The following ILDR2 variants were observed in gnomAD, a reference collection of about 807,000 sequenced individuals.
ILDR2 encodes immunoglobulin like domain containing receptor 2.
ILDR2 carries 25 observed loss-of-function variants against 66.8 expected under a neutral mutation model. The observed-to-expected ratio is 0.37, with a 90% confidence interval of 0.27 to 0.52. The LOEUF (loss-of-function observed/expected upper bound fraction) is 0.52, where lower values mean the gene tolerates loss of function less well. ILDR2 is among the 20% of genes least tolerant of loss of function. The probability of loss-of-function intolerance (pLI) is 0.88; values close to 1 mark genes in which losing one functional copy is unlikely to be tolerated. For missense variants in ILDR2, 827 were observed against 876.8 expected (o/e 0.94, Z 0.72); for synonymous variants, 367 against 357.2 (o/e 1.03, Z -0.31).
intron 9 of ILDR2, among the ~76,000 whole-genome samples, chr1:166,920,166 T>A (rs967876005): frequency 1.3e-5 from 2 of 152,140 alleles, no homozygotes; most frequent in Non-Finnish European, 2.9e-5. Context: ...CAGTTTACAC[T>A]CAATAAAACA....
intron 3 of ILDR2, among the ~76,000 whole-genome samples, chr1:166,950,558 A>G (rs1016833681): frequency 1.3e-5 from 2 of 152,136 alleles, no homozygotes; most frequent in African/African-American, 4.8e-5. Context: ...CTTAAGACAC[A>G]TGCTCCCATT....
chr1:166,905,739 C>A (rs1659334667), downstream of ILDR2, among the ~76,000 whole-genome samples: 1 of 152,218 alleles, frequency 6.6e-6, no homozygotes, highest in South Asian at 2.1e-4. Flanking sequence ...GTCCCAGCCA[C>A]AGCATCATTT....
chr1:166,924,854 A>C (rs1469595098), intron 7 of ILDR2, among the ~76,000 whole-genome samples: 2 of 152,118 alleles, frequency 1.3e-5, no homozygotes, highest in African/African-American at 4.8e-5. Flanking sequence ...CATCTTTATA[A>C]AAAATTAAAA....
intron 6 of ILDR2, 145 bp downstream of exon 6, chr1:166,935,156 C>G: frequency 1.2e-6 from 1 of 812,558 alleles, no homozygotes; most frequent in South Asian, 1.7e-5. Context: ...TAAAAGATAT[C>G]TGACATAGCT....
chr1:166,897,138 A>G (rs1047053216), intron 2 of ILDR2, among the ~76,000 whole-genome samples: 3 of 152,198 alleles, frequency 2.0e-5, no homozygotes, highest in Admixed American at 2.0e-4. Context: ...GGGAAAATAC[A>G]ACTAGCAGTA....
intron 3 of ILDR2, among the ~76,000 whole-genome samples, chr1:166,943,485 C>G (rs1468384815): frequency 9.6e-6 from 1 of 104,560 alleles, no homozygotes; most frequent in African/African-American, 3.9e-5. Flanking sequence ...GAGCGAGACT[C>G]CGTCTCAAAA....
chr1:166,904,588 TG>T (rs776448838), downstream of ILDR2, among the ~76,000 whole-genome samples: 4 of 152,244 alleles, frequency 2.6e-5, no homozygotes, highest in East Asian at 5.8e-4. Context: ...TGCTGTTTGT[TG>T]CTATTTTCTA....
intron 1 of ILDR2, among the ~76,000 whole-genome samples, chr1:166,973,616 C>A (rs1046224801): frequency 5.6e-5 from 6 of 108,036 alleles, no homozygotes; most frequent in Non-Finnish European, 1.1e-4. Context: ...GACCCCTCCC[C>A]CCCCCCCCCG....
Position 166,921,300 on chromosome 1 carries a change from C to CCAGCTCGTCCATGGA in ILDR2, c.1276_1290dup (p.Ser426_Leu430dup), listed in dbSNP as rs762496075. 2 of 1,595,808 alleles carry CCAGCTCGTCCATGGA rather than the reference C, an allele frequency of 1.3e-6. No individual in the cohort carries two copies. The highest frequency in any genetic ancestry group is 2.2e-5 in the South Asian group (2 of 90,214). ...TGGCCGTAGGAGTCAGCGAAGGCCG[C>CCAGCTCGTCCATGGA]CAGCTCGTCCATGGAAACGGCCGGC... is the stretch of plus-strand genomic sequence containing the variant. On this transcript the variant is annotated inframe_insertion, in exon 9 of 10. Transcript: ENST00000271417. This position sits in a 1 kb window ranked among gnomAD's most constrained non-coding sequence, Gnocchi z 5.3.
rs1206757904 is a variant in ILDR2, at chr1:166,918,121, C to G, written c.*1234G>C. ...TACACAAACGATAAAATCCAGAGAT[C>G]TAGCTTTGGGATTTAGGCAAAATCT... is the stretch of plus-strand genomic sequence containing the variant. On this transcript the variant is annotated 3_prime_UTR_variant, in exon 10 of 10. Transcript: ENST00000271417. 1.3e-5 allele frequency: 2 copies of G among 152,196 alleles called. No individual in the cohort carries two copies. Among genetic ancestry groups the G allele is most frequent in the Non-Finnish European group, 2.9e-5 (2 of 68,028 alleles). The allele number at this position is 152,196 out of a possible 1,614,324, so 9.4% of individuals were successfully genotyped here.
At chr1:166,925,472 C>CCTCAGAGT (rs1660222362) in intron 7 of ILDR2, among the ~76,000 whole-genome samples, 1 of 152,190 alleles carries the variant, frequency 6.6e-6, no homozygotes, top group African/African-American at 2.4e-5. Context: ...GATTCAACAA[C>CCTCAGAGT]CTCAGAGTCC....
intron 3 of ILDR2, among the ~76,000 whole-genome samples, chr1:166,943,036 C>G (rs892332173): frequency 2.6e-5 from 4 of 152,162 alleles, no homozygotes; most frequent in Non-Finnish European, 5.9e-5. Context: ...GAAGGTGAAG[C>G]CTTCCCATAA....
intron 2 of ILDR2, among the ~76,000 whole-genome samples, chr1:166,898,272 G>C (rs898525398): frequency 6.6e-6 from 1 of 152,168 alleles, no homozygotes; most frequent in Non-Finnish European, 1.5e-5. Flanking sequence ...AGACTTAGAA[G>C]TGTTCCACAT....
chr1:166,955,340 C>T (rs1043682191), intron 3 of ILDR2, among the ~76,000 whole-genome samples: 1 of 152,154 alleles, frequency 6.6e-6, no homozygotes, highest in African/African-American at 2.4e-5. Flanking sequence ...GGCGAGGTGG[C>T]TCACACCTGT....
At chr1:166,973,664 C>G (rs1201074178) in intron 1 of ILDR2, among the ~76,000 whole-genome samples, 2 of 132,490 alleles carry the variant, frequency 1.5e-5, no homozygotes, top group Non-Finnish European at 3.1e-5. Context: ...GATACAGGCT[C>G]AAGGACTAAG....
Position 166,921,207 on chromosome 1 carries a change from A to C in ILDR2, c.1384T>G (p.Ser462Ala). ...RGGSRFERSESRAHSGFYQDD... is the reference protein window; with the variant it reads ...RGGSRFERSEARAHSGFYQDD... ...TGGTAGAAGCCGCTGTGCGCCCGCG[A>C]CTCCGAGCGCTCGAAGCGGCTCCCG... The change falls in exon 9 of 10, where the codon TCG becomes GCG. Residue 462 changes from serine to alanine, a missense_variant. Around this residue, in one of 2 missense-constraint regions of ILDR2, gnomAD observed 390 missense variants for 353.6 expected, o/e 1.10. Transcript: ENST00000271417. This position sits in a 1 kb window ranked among gnomAD's most constrained non-coding sequence, Gnocchi z 5.3. 2 of 1,586,664 alleles carry C rather than the reference A, an allele frequency of 1.3e-6. No homozygotes were observed. Among genetic ancestry groups the C allele is most frequent in the Non-Finnish European group, 1.7e-6 (2 of 1,173,192 alleles).
At chr1:166,950,019 T>TG (rs1175820226) in intron 3 of ILDR2, among the ~76,000 whole-genome samples, 3 of 152,330 alleles carry the variant, frequency 2.0e-5, no homozygotes, top group African/African-American at 4.8e-5. Context: ...CTGCTTTCTT[T>TG]GGGGAATCAA....
chr1:166,897,336 C>T (rs777764770), intron 2 of ILDR2, among the ~76,000 whole-genome samples: 3 of 152,136 alleles, frequency 2.0e-5, no homozygotes, highest in African/African-American at 4.8e-5. Context: ...GTCTTTATCT[C>T]TGGTTCCGGG....
intron 2 of ILDR2, among the ~76,000 whole-genome samples, 195 bp downstream of exon 2, chr1:166,957,574 C>T (rs1034076435): frequency 2.6e-5 from 4 of 152,248 alleles, no homozygotes; most frequent in East Asian, 1.9e-4. Flanking sequence ...AGATTTTACA[C>T]GATCCACCCT....
Sources: gnomAD v4.1 joint callset for allele counts (sites outside exome capture counted in the v4.1 genomes callset) on GRCh38, gnomAD v4.1.1 for gene constraint, gnomAD v4.1.1 regional missense constraint, Gnocchi (gnomAD v3.1) non-coding constraint, MANE v1.5 for transcripts, NCBI Gene and HGNC (gene_info 2026-07-23, HGNC 2026-07-21) for gene names.